Variants in NCAM2 observed in about 807,000 individuals in gnomAD.
NCAM2 encodes neural cell adhesion molecule 2, also known as N-CAM-2.
In NCAM2, 30 loss-of-function variants were observed where a neutral mutation model predicts 98.1. That is an observed-to-expected ratio of 0.31 (90% CI 0.23 to 0.41). The LOEUF (loss-of-function observed/expected upper bound fraction) is 0.41. NCAM2 is among the 10% of genes least tolerant of loss of function. The pLI, the probability that NCAM2 is intolerant of heterozygous loss-of-function variation, is 1.00. For synonymous variants in NCAM2, 368 were observed against 342.4 expected (o/e 1.07, Z -0.83); for missense variants, 867 against 1,005.8 (o/e 0.86, Z 1.87).
In NCAM2 at chr21:21,276,160, G is replaced by C. The variant is rs564414052; in HGVS notation, c.56-4418G>C. On this transcript the variant is annotated intron_variant, in intron 1 of 17. Transcript: ENST00000400546. ...TTCTTGATCATAAATTTTATAATGG[G>C]CAAACTTGATACACCCCATCTTATT... Among the ~76,000 whole-genome samples, 31 of 151,802 alleles carry C rather than the reference G, an allele frequency of 2.0e-4. No individual in the cohort carries two copies. The South Asian group carries it at 6.0e-3, about 30-fold the overall frequency.
intron 1 of NCAM2, among the ~76,000 whole-genome samples, chr21:21,184,272 T>TAAAG (rs934047156): frequency 1.3e-5 from 2 of 151,794 alleles, no homozygotes; most frequent in African/African-American, 4.8e-5. Context: ...GCTAGTGACT[T>TAAAG]CACCTGCCAA....
chr21:21,026,487 T>A (rs1403093133), intron 1 of NCAM2, among the ~76,000 whole-genome samples: 1 of 151,864 alleles, frequency 6.6e-6, no homozygotes, highest in Admixed American at 6.6e-5. Context: ...TAGCTGGGCG[T>A]GGTGGCAGGC....
chr21:21,057,782 C>T (rs1394152732), intron 1 of NCAM2, among the ~76,000 whole-genome samples: 2 of 152,128 alleles, frequency 1.3e-5, no homozygotes, highest in African/African-American at 2.4e-5. Context: ...GGGATATCAT[C>T]TACCTGTGCT....
At chr21:21,334,076 G>A (rs1273700518) in intron 6 of NCAM2, among the ~76,000 whole-genome samples, 1 of 152,026 alleles carries the variant, frequency 6.6e-6, no homozygotes, top group African/African-American at 2.4e-5. Context: ...GGGATTACAG[G>A]CGCCTGCTAC....
At position 21,226,980 on chromosome 21, in the gene NCAM2, T is replaced by C. The variant is rs1601701878; in HGVS notation, c.56-53598T>C. On this transcript the variant is annotated intron_variant, in intron 1 of 17. Transcript: ENST00000400546. ...AAAACTCATTTATAATAAGAACTAT[T>C]AGCAAGTTGGTAATAATATATAATC... is the stretch of plus-strand genomic sequence containing the variant. 2.0e-5 allele frequency among the ~76,000 whole-genome samples: 3 copies of C among 152,108 alleles called. No individual in the cohort carries two copies. In the South Asian group the frequency reaches 6.2e-4, roughly 32 times the overall value.
intron 1 of NCAM2, among the ~76,000 whole-genome samples, chr21:21,014,288 G>A (rs554881735): frequency 5.3e-5 from 8 of 152,224 alleles, no homozygotes; most frequent in African/African-American, 1.9e-4. Context: ...GCTGGACGTG[G>A]TGGTGCACAC....
At chr21:21,226,606 G>A (rs890929946) in intron 1 of NCAM2, 1 of 152,068 alleles carries the variant, frequency 6.6e-6, no homozygotes, top group Non-Finnish European at 1.5e-5. Context: ...CTTAAAAGTA[G>A]CAAGAAAGCC....
At chr21:21,479,012 A>T (rs1602460576) in intron 15 of NCAM2, among the ~76,000 whole-genome samples, 1 of 152,284 alleles carries the variant, frequency 6.6e-6, no homozygotes, top group East Asian at 1.9e-4. Context: ...ATTTCATGCA[A>T]ATATCAGGAA....
chr21:21,239,927 C>A (rs961627246), intron 1 of NCAM2, among the ~76,000 whole-genome samples: 1 of 152,056 alleles, frequency 6.6e-6, no homozygotes, highest in Non-Finnish European at 1.5e-5. Flanking sequence ...CCAAAGGATA[C>A]TTGGCTCAGG....
At chr21:21,412,871 T>C (rs1315629068) in intron 10 of NCAM2, among the ~76,000 whole-genome samples, 1 of 152,154 alleles carries the variant, frequency 6.6e-6, no homozygotes. Flanking sequence ...TATATACAGT[T>C]GCTTGAGACA....
At chr21:21,076,304 A>G (rs1310095933) in intron 1 of NCAM2, among the ~76,000 whole-genome samples, 3 of 152,196 alleles carry the variant, frequency 2.0e-5, no homozygotes, top group African/African-American at 7.2e-5. Context: ...TTACTAAAAA[A>G]TAAACTTAAA....
chr21:21,403,809 T>A (rs1264921527), intron 9 of NCAM2, among the ~76,000 whole-genome samples: 1 of 152,064 alleles, frequency 6.6e-6, no homozygotes, highest in African/African-American at 2.4e-5. Context: ...AAAACATAAA[T>A]AAAATGTTAA....
At chr21:21,089,015 T>G (rs1320515041) in intron 1 of NCAM2, among the ~76,000 whole-genome samples, 1 of 152,072 alleles carries the variant, frequency 6.6e-6, no homozygotes, top group Non-Finnish European at 1.5e-5. Context: ...GTACTGTTTT[T>G]CAGGCTTCAG....
intron 9 of NCAM2, among the ~76,000 whole-genome samples, chr21:21,398,065 G>A (rs113910556): frequency 8.9e-4 from 135 of 152,298 alleles, no homozygotes; most frequent in African/African-American, 2.9e-3. Context: ...TAGTGTGTGC[G>A]TGAATACTAT....
At chr21:21,123,382 G>A (rs1988239734) in intron 1 of NCAM2, among the ~76,000 whole-genome samples, 1 of 135,582 alleles carries the variant, frequency 7.4e-6, no homozygotes, top group Admixed American at 8.0e-5. Flanking sequence ...GGGAGACAGA[G>A]CGAAGAGACT....
At chr21:21,459,655 C>T (rs1376648589) in intron 12 of NCAM2, among the ~76,000 whole-genome samples, 1 of 151,056 alleles carries the variant, frequency 6.6e-6, no homozygotes, top group Admixed American at 6.6e-5. Flanking sequence ...TGCATGATCT[C>T]ACTTATATGT....
chr21:21,265,039 G>GTGTCTGTGTATATA lies in NCAM2; in HGVS notation c.56-15538_56-15537insGTCTGTGTATATAT, dbSNP rs1568855457. Among the ~76,000 whole-genome samples the GTGTCTGTGTATATA allele has an allele frequency of 8.9e-5, 4 of 44,806 alleles. 1 individual carries two copies. Among genetic ancestry groups the GTGTCTGTGTATATA allele is most frequent in the Admixed American group, 5.8e-4 (2 of 3,464 alleles). The allele number at this position is 44,806 out of a possible 152,430, so 29.4% of individuals were successfully genotyped here. On this transcript the variant is annotated intron_variant, in intron 1 of 17. Coordinates refer to ENST00000400546, the MANE Select transcript of NCAM2 (RefSeq NM_004540.5). ...ATTATATATGTGTCTGTGTATATAT[G>GTGTCTGTGTATATA]TACACATATATACTATATATGTGTA... is the stretch of plus-strand genomic sequence containing the variant.
At chr21:21,245,578 G>T (rs1190359042) in intron 1 of NCAM2, among the ~76,000 whole-genome samples, 2 of 152,282 alleles carry the variant, frequency 1.3e-5, no homozygotes, top group Non-Finnish European at 1.5e-5. Context: ...GTGGGTCAAG[G>T]TATCTCCTTC....
At chr21:21,370,471 A>G (rs1602133345) in intron 8 of NCAM2, among the ~76,000 whole-genome samples, 1 of 151,886 alleles carries the variant, frequency 6.6e-6, no homozygotes, top group Non-Finnish European at 1.5e-5. Flanking sequence ...ATTGAATAAC[A>G]TATTTTAAAA....
Sources: gnomAD v4.1 joint callset for allele counts (sites outside exome capture counted in the v4.1 genomes callset) on GRCh38, gnomAD v4.1.1 for gene constraint, MANE v1.5 for transcripts, NCBI Gene and HGNC (gene_info 2026-07-23, HGNC 2026-07-21) for gene names.